KLF12: variants seen among roughly 807,000 people sequenced by gnomAD.
The protein encoded by KLF12 is Krueppel-like factor 12.
A neutral mutation model predicts 37.8 loss-of-function variants in KLF12; 9 were observed. The ratio of observed to expected loss-of-function variants is 0.24; its 90% confidence interval spans 0.14 to 0.42. KLF12 has a LOEUF of 0.42. Among genes scored for constraint, KLF12 ranks in the 10% least tolerant of loss-of-function variants. KLF12 has a pLI of 1.00. For missense variants in KLF12, 411 were observed against 516.0 expected (o/e 0.80, Z 1.97); for synonymous variants, 208 against 202.1 (o/e 1.03, Z -0.25).
chr13:73,762,324 A>G (rs1319760086), intron 6 of KLF12, among the ~76,000 whole-genome samples: 2 of 152,216 alleles, frequency 1.3e-5, no homozygotes, highest in African/African-American at 4.8e-5. Context: ...GAACAAGGCC[A>G]GCAGATGCTG....
At chr13:73,946,256 C>A (rs1047218882) in intron 2 of KLF12, among the ~76,000 whole-genome samples, 2 of 152,176 alleles carry the variant, frequency 1.3e-5, no homozygotes, top group African/African-American at 2.4e-5. Context: ...AGACAAAGAG[C>A]GATTCTGGAA....
At chr13:74,056,653 C>T (rs1242436211) in intron 1 of KLF12, among the ~76,000 whole-genome samples, 3 of 152,186 alleles carry the variant, frequency 2.0e-5, no homozygotes, top group Non-Finnish European at 2.9e-5. Context: ...TGTTACCCAT[C>T]TATATTGTTG....
chr13:74,121,130 A>G (rs570615542), intron 1 of KLF12, among the ~76,000 whole-genome samples: 1 of 152,278 alleles, frequency 6.6e-6, no homozygotes, highest in African/African-American at 2.4e-5. Context: ...CACACACCTA[A>G]TAACAGAGTT....
chr13:73,927,325 G>GT (rs1478472724), intron 3 of KLF12, among the ~76,000 whole-genome samples: 4 of 152,154 alleles, frequency 2.6e-5, no homozygotes, highest in African/African-American at 7.2e-5. Flanking sequence ...TATATTACAA[G>GT]TAACAGTTTT....
At chr13:74,141,524 A>G in the KLF12 span, among the ~76,000 whole-genome samples, 1 of 152,326 alleles carries the variant, frequency 6.6e-6, no homozygotes, top group South Asian at 2.1e-4. Flanking sequence ...TTAAAGATAC[A>G]TATTTTTGTC....
chr13:73,798,900 C>T (rs1166914667), intron 5 of KLF12, among the ~76,000 whole-genome samples: 2 of 152,146 alleles, frequency 1.3e-5, no homozygotes, highest in Non-Finnish European at 2.9e-5. Flanking sequence ...ATCCAGTAAT[C>T]CCATTACTGG....
intron 3 of KLF12, among the ~76,000 whole-genome samples, chr13:73,938,554 A>T (rs1890053529): frequency 2.0e-5 from 3 of 152,212 alleles, no homozygotes; most frequent in Admixed American, 2.0e-4. Context: ...AGCCCTGCCG[A>T]TTCATAAGCT....
At chr13:73,890,304 TC>T (rs1439074640) in intron 3 of KLF12, among the ~76,000 whole-genome samples, 12 of 152,100 alleles carry the variant, frequency 7.9e-5, no homozygotes, top group African/African-American at 2.9e-4. Context: ...GTAATGAAAG[TC>T]AGCCTTAAAA....
chr13:74,202,494 C>T, the KLF12 span, among the ~76,000 whole-genome samples: 1 of 152,080 alleles, frequency 6.6e-6, no homozygotes, highest in Non-Finnish European at 1.5e-5. Flanking sequence ...TTTCTGGTTG[C>T]AAGGCATAGA....
intron 3 of KLF12, among the ~76,000 whole-genome samples, chr13:73,924,496 T>C (rs1245894371): frequency 3.3e-5 from 5 of 152,170 alleles, no homozygotes; most frequent in Admixed American, 6.6e-5. Flanking sequence ...ACCCTGCCCA[T>C]AGAAGACTAT....
At chr13:73,879,896 ATACT>A (rs1886898106) in intron 3 of KLF12, among the ~76,000 whole-genome samples, 1 of 152,170 alleles carries the variant, frequency 6.6e-6, no homozygotes, top group Non-Finnish European at 1.5e-5. Flanking sequence ...CCTAAATAAA[ATACT>A]TACTCTTCAT....
At chr13:73,954,123 C>A (rs1890750501) in intron 2 of KLF12, among the ~76,000 whole-genome samples, 1 of 151,776 alleles carries the variant, frequency 6.6e-6, no homozygotes, top group Non-Finnish European at 1.5e-5. Context: ...GGACTACAGG[C>A]ACCCGCCACC....
At chr13:74,145,983 G>C in the KLF12 span, among the ~76,000 whole-genome samples, 835 of 152,240 alleles carry the variant, frequency 5.5e-3, 12 homozygotes, top group African/African-American at 0.019. Flanking sequence ...CTAAAAGAAG[G>C]TTTTATTTTT....
At chr13:74,143,203 ACTCT>A in the KLF12 span, among the ~76,000 whole-genome samples, 10 of 144,754 alleles carry the variant, frequency 6.9e-5, no homozygotes, top group Non-Finnish European at 1.2e-4. Context: ...CCTCTTTCTT[ACTCT>A]CTCTCTCTCT....
chr13:73,731,687 T>C (rs1217325115), intron 6 of KLF12, among the ~76,000 whole-genome samples: 1 of 152,170 alleles, frequency 6.6e-6, no homozygotes, highest in Non-Finnish European at 1.5e-5. Flanking sequence ...TTATAGGAGT[T>C]TGTTTTTCAG....
At chr13:74,137,791 G>T (rs1010923384), upstream of KLF12, among the ~76,000 whole-genome samples, 1 of 151,494 alleles carries the variant, frequency 6.6e-6, no homozygotes, top group African/African-American at 2.4e-5. Context: ...ACGAAGTTTC[G>T]CTCTTGTTGC....
At chr13:74,183,503 C>T in the KLF12 span, among the ~76,000 whole-genome samples, 1 of 152,084 alleles carries the variant, frequency 6.6e-6, no homozygotes, top group African/African-American at 2.4e-5. Flanking sequence ...AATGTTCTTG[C>T]CAAAATCACA....
chr13:73,909,721 C>G (rs144074877), intron 3 of KLF12, among the ~76,000 whole-genome samples: 2 of 152,266 alleles, frequency 1.3e-5, no homozygotes, highest in East Asian at 1.9e-4. Flanking sequence ...AACAAACTTA[C>G]GTTTGTTTAA....
At chr13:73,786,045 G>A (rs1881321572) in intron 5 of KLF12, among the ~76,000 whole-genome samples, 1 of 151,778 alleles carries the variant, frequency 6.6e-6, no homozygotes, top group South Asian at 2.1e-4. Flanking sequence ...AGACAGAGGT[G>A]AGCAGTGTTA....
Sources: allele counts gnomAD v4.1 joint callset (sites outside exome capture counted in the v4.1 genomes callset), GRCh38; gene constraint gnomAD v4.1.1; transcripts MANE v1.5; gene names NCBI Gene and HGNC (gene_info 2026-07-23, HGNC 2026-07-21).